Variants in GPC5 observed in about 807,000 individuals in gnomAD.
GPC5 encodes glypican 5.
Under a neutral mutation model 53.9 loss-of-function variants are expected in GPC5, and 47 were observed. That is an observed-to-expected ratio of 0.87 (90% CI 0.69 to 1.11). The LOEUF is 1.11. Ranked by LOEUF, GPC5 falls within the 50% of genes most tolerant of loss-of-function variation. The probability of loss-of-function intolerance (pLI) is 0.00; values close to 1 mark genes in which losing one functional copy is unlikely to be tolerated. For missense variants in GPC5, 748 were observed against 713.1 expected (o/e 1.05, Z -0.56); for synonymous variants, 286 against 263.3 (o/e 1.09, Z -0.84).
intron 5 of GPC5, among the ~76,000 whole-genome samples, chr13:91,854,072 T>C (rs981886195): frequency 6.6e-6 from 1 of 151,562 alleles, no homozygotes; most frequent in African/African-American, 2.4e-5. Flanking sequence ...AACCCCTTCA[T>C]GGTTTGAGTC....
At chr13:91,989,086 C>T (rs1341760201) in intron 6 of GPC5, among the ~76,000 whole-genome samples, 2 of 152,148 alleles carry the variant, frequency 1.3e-5, no homozygotes, top group South Asian at 2.1e-4. Context: ...CATTACCCTC[C>T]GCTGAACCAC....
At chr13:91,863,088 C>CCCTTT (rs1426636206) in intron 5 of GPC5, among the ~76,000 whole-genome samples, 1 of 141,946 alleles carries the variant, frequency 7.0e-6, no homozygotes, top group African/African-American at 2.6e-5. Flanking sequence ...CTTACTTTTT[C>CCCTTT]CCTTTCCTTT....
intron 7 of GPC5, among the ~76,000 whole-genome samples, chr13:92,676,034 AT>A (rs1181526002): frequency 1.3e-5 from 2 of 152,120 alleles, no homozygotes; most frequent in African/African-American, 4.8e-5. Context: ...AATGGTTTAT[AT>A]TTTGGAATCC....
At chr13:91,799,494 G>A (rs1282483195) in intron 5 of GPC5, among the ~76,000 whole-genome samples, 1 of 151,982 alleles carries the variant, frequency 6.6e-6, no homozygotes, top group Non-Finnish European at 1.5e-5. Flanking sequence ...TAAAACTTGA[G>A]ATTCTTTTTT....
chr13:91,717,681 C>T (rs1000727656), intron 3 of GPC5, among the ~76,000 whole-genome samples: 1 of 152,036 alleles, frequency 6.6e-6, no homozygotes, highest in African/African-American at 2.4e-5. Flanking sequence ...CTCAGCCTCC[C>T]GAGTAGCTGG....
intron 6 of GPC5, among the ~76,000 whole-genome samples, chr13:91,948,100 C>A (rs754835163): frequency 3.4e-4 from 51 of 151,616 alleles, no homozygotes; most frequent in Non-Finnish European, 6.5e-4. Context: ...TGGTGGCGGG[C>A]GCCTGTAGTC....
intron 7 of GPC5, among the ~76,000 whole-genome samples, chr13:92,712,542 A>G (rs139569381): frequency 2.0e-5 from 3 of 152,258 alleles, no homozygotes; most frequent in Non-Finnish European, 4.4e-5. Context: ...TAGTCTTTAT[A>G]CCAAAACCAC....
chr13:92,388,324 A>G (rs1348201609), intron 7 of GPC5, among the ~76,000 whole-genome samples: 1 of 152,088 alleles, frequency 6.6e-6, no homozygotes, highest in Non-Finnish European at 1.5e-5. Context: ...TTGCTAGAAA[A>G]AATGATAAGC....
intron 7 of GPC5, among the ~76,000 whole-genome samples, chr13:92,446,121 A>G (rs577058098): frequency 1.3e-5 from 2 of 152,094 alleles, no homozygotes; most frequent in Admixed American, 6.6e-5. Context: ...TAGTTTTTAA[A>G]ATGTACAATT....
intron 7 of GPC5, among the ~76,000 whole-genome samples, chr13:92,664,188 TCTGGAGAATGA>T (rs1886491666): frequency 6.6e-6 from 1 of 151,894 alleles, no homozygotes. Flanking sequence ...GTAAGGCTAG[TCTGGAGAATGA>T]ATCATCAGAA....
At chr13:91,692,104 G>A (rs77691640) in intron 2 of GPC5, among the ~76,000 whole-genome samples, 6,953 of 151,856 alleles carry the variant, frequency 0.046, 168 homozygotes, top group African/African-American at 0.058. Context: ...CTTAATTTAC[G>A]GGTAAATTAT....
chr13:92,371,541 C>T (rs1430341908), intron 7 of GPC5, among the ~76,000 whole-genome samples: 4 of 152,004 alleles, frequency 2.6e-5, no homozygotes, highest in Admixed American at 1.3e-4. Context: ...TAGAAAGGAA[C>T]GAGGTTTAAT....
At chr13:91,954,742 A>G (rs1365444585) in intron 6 of GPC5, among the ~76,000 whole-genome samples, 1 of 152,106 alleles carries the variant, frequency 6.6e-6, no homozygotes, top group Non-Finnish European at 1.5e-5. Flanking sequence ...GTAGATACTC[A>G]ATAAAATAAG....
chr13:92,385,767 G>GTA (rs1479715974), intron 7 of GPC5, among the ~76,000 whole-genome samples: 2 of 76,700 alleles, frequency 2.6e-5, no homozygotes, highest in South Asian at 3.5e-4. Flanking sequence ...ATATATATAC[G>GTA]TATATATACA....
intron 6 of GPC5, among the ~76,000 whole-genome samples, chr13:92,113,799 C>G (rs2041577692): frequency 6.7e-6 from 1 of 150,274 alleles, no homozygotes; most frequent in East Asian, 2.0e-4. Flanking sequence ...AAGTAAGACA[C>G]TTTAAATAAG....
At chr13:92,318,765 G>A (rs768376331) in intron 7 of GPC5, among the ~76,000 whole-genome samples, 4 of 152,068 alleles carry the variant, frequency 2.6e-5, no homozygotes, top group Non-Finnish European at 4.4e-5. Context: ...TTGCATATAT[G>A]TTCTTACGGT....
At chr13:92,233,425 G>A (rs1351024047) in intron 7 of GPC5, among the ~76,000 whole-genome samples, 2 of 152,294 alleles carry the variant, frequency 1.3e-5, no homozygotes, top group Admixed American at 1.3e-4. Context: ...TAATTTGCAG[G>A]CTGGCAGAAA....
intron 2 of GPC5, among the ~76,000 whole-genome samples, chr13:91,557,110 T>C (rs535598226): frequency 6.6e-6 from 1 of 152,202 alleles, no homozygotes; most frequent in East Asian, 1.9e-4. Flanking sequence ...ATGTGTTTGG[T>C]TGTAAAAGAA....
chr13:91,700,580 A>G (rs1456701404), intron 3 of GPC5, among the ~76,000 whole-genome samples: 2 of 152,184 alleles, frequency 1.3e-5, no homozygotes, highest in African/African-American at 4.8e-5. Flanking sequence ...TTATATGTGT[A>G]ATAGTCACCC....
Sources: allele counts gnomAD v4.1 joint callset (sites outside exome capture counted in the v4.1 genomes callset), GRCh38; gene constraint gnomAD v4.1.1; transcripts MANE v1.5; gene names NCBI Gene and HGNC (gene_info 2026-07-23, HGNC 2026-07-21).